The following CUL5 variants were observed in gnomAD, a reference collection of about 807,000 sequenced individuals.
CUL5 encodes the protein cullin-5.
A neutral mutation model predicts 108.8 loss-of-function variants in CUL5; 26 were observed. That is an observed-to-expected ratio of 0.24 (90% CI 0.18 to 0.33). CUL5 has a LOEUF of 0.33. CUL5 is among the 10% of genes least tolerant of loss of function. CUL5 has a pLI of 1.00. For missense variants in CUL5, 524 were observed against 909.2 expected (o/e 0.58, Z 5.45); for synonymous variants, 334 against 298.0 (o/e 1.12, Z -1.25).
At chr11:108,017,389 C>CAAAA (rs71840119) in intron 1 of CUL5, among the ~76,000 whole-genome samples, 39 of 102,796 alleles carry the variant, frequency 3.8e-4, no homozygotes, top group South Asian at 7.0e-4. Context: ...GACCCTGTCT[C>CAAAA]AAAAAAAAAA....
intron 3 of CUL5, among the ~76,000 whole-genome samples, chr11:108,048,706 G>T (rs967669565): frequency 7.8e-6 from 1 of 128,344 alleles, no homozygotes; most frequent in Non-Finnish European, 1.6e-5. Flanking sequence ...TCACTTTGTC[G>T]CCCAGGCTGC....
intron 2 of CUL5, among the ~76,000 whole-genome samples, chr11:108,044,208 A>T (rs564215517): frequency 2.0e-5 from 3 of 152,262 alleles, no homozygotes; most frequent in Non-Finnish European, 2.9e-5. Context: ...TTTGGGCTCT[A>T]CTAGTGTCTC....
At chr11:108,029,435 A>G (rs191872746) in intron 1 of CUL5, among the ~76,000 whole-genome samples, 18 of 152,348 alleles carry the variant, frequency 1.2e-4, no homozygotes, top group South Asian at 4.1e-4. Flanking sequence ...CTGAATAGTA[A>G]TGAAAGAATT....
intron 11 of CUL5, among the ~76,000 whole-genome samples, chr11:108,081,159 A>T (rs896733687): frequency 6.6e-6 from 1 of 151,346 alleles, no homozygotes; most frequent in Non-Finnish European, 1.5e-5. Context: ...GTGGTGGCTC[A>T]TGCCTGTGAT....
intron 10 of CUL5, among the ~76,000 whole-genome samples, chr11:108,076,213 T>C (rs1343538874): frequency 6.6e-6 from 1 of 151,822 alleles, no homozygotes; most frequent in Non-Finnish European, 1.5e-5. Context: ...GTAATTTTTT[T>C]TGTAGAGATG....
rs745781600 is a variant in CUL5 at position 108,094,939 on chromosome 11, T to C, written c.1695T>C (p.Asn565=). The C allele has an allele frequency of 6.2e-7, 1 of 1,613,060 alleles. No individual in the cohort carries two copies. Among genetic ancestry groups the C allele is most frequent in the South Asian group, 1.1e-5 (1 of 90,914 alleles). Residue 565 remains asparagine, a synonymous_variant, in exon 15 of 19, where the codon AAT becomes AAC. Coordinates refer to ENST00000393094, the MANE Select transcript of CUL5 (RefSeq NM_003478.6). The part of the protein sequence containing the change: ...IPEVEEFYKK[N]HSGRKLHWHH... Reference sequence around the variant, plus strand: ...AAGTAGAAGAATTCTACAAAAAAAATCATAGTGGTAGAAAATTACATTGGC... The same window carrying C: ...AAGTAGAAGAATTCTACAAAAAAAACCATAGTGGTAGAAAATTACATTGGC...
At chr11:108,009,499 C>G (rs1862004875) in intron 1 of CUL5, 127 bp downstream of exon 1, 1 of 1,000,022 alleles carries the variant, frequency 1.0e-6, no homozygotes, top group East Asian at 2.8e-5. Context: ...GCAGGGAAGC[C>G]GCGGTGGCAG....
chr11:108,070,179 T>C lies in CUL5; in HGVS notation c.864T>C (p.Asn288=). Residue 288 remains asparagine (N), a synonymous_variant, in exon 8 of 19, where the codon AAT becomes AAC. Transcript: ENST00000393094. ...AGTGCCAAGGCATGATCAAGAGAAATGAAACTGAAAGTAGGTAAAACATCA... is the reference window on the plus strand; with the variant it reads ...AGTGCCAAGGCATGATCAAGAGAAACGAAACTGAAAGTAGGTAAAACATCA... ...LAECQGMIKR[N]ETEKLHLMFS... 3.7e-6 allele frequency: 6 copies of C among 1,609,406 alleles called. No homozygotes were observed. The highest frequency in any genetic ancestry group is 1.3e-5 in the African/African-American group (1 of 74,942).
At chr11:108,080,099 G>A (rs114516217) in intron 11 of CUL5, among the ~76,000 whole-genome samples, 1,560 of 142,886 alleles carry the variant, frequency 0.011, 25 homozygotes, top group African/African-American at 0.038. Flanking sequence ...TTGATGTTGA[G>A]CAATTTTTCA....
intron 8 of CUL5, among the ~76,000 whole-genome samples, chr11:108,071,477 G>C (rs1237827952): frequency 6.6e-6 from 1 of 152,178 alleles, no homozygotes; most frequent in Non-Finnish European, 1.5e-5. Context: ...TGCCCAGGCT[G>C]ATCTCCACTG....
At chr11:108,026,185 G>T (rs889723729) in intron 1 of CUL5, among the ~76,000 whole-genome samples, 3 of 151,938 alleles carry the variant, frequency 2.0e-5, no homozygotes, top group Non-Finnish European at 4.4e-5. Context: ...CTTGGGAAAA[G>T]TGTACAACCC....
At chr11:108,009,456 C>T in intron 1 of CUL5, 84 bp downstream of exon 1, 1 of 1,470,220 alleles carries the variant, frequency 6.8e-7, no homozygotes, top group African/African-American at 1.4e-5. Flanking sequence ...GGTTCAGCTG[C>T]GAAGTGTGGG....
At chr11:108,039,887 A>G (rs1862849006) in intron 2 of CUL5, among the ~76,000 whole-genome samples, 1 of 152,010 alleles carries the variant, frequency 6.6e-6, no homozygotes, top group Non-Finnish European at 1.5e-5. Flanking sequence ...GTTTATTTCC[A>G]TTAGTGGTTG....
At chr11:108,068,347 C>A (rs1332985965) in intron 7 of CUL5, among the ~76,000 whole-genome samples, 1 of 151,550 alleles carries the variant, frequency 6.6e-6, no homozygotes, top group African/African-American at 2.4e-5. Context: ...TTGTGACAGT[C>A]TTGCTCTGTC....
chr11:108,095,144 G>A (rs1440455397), intron 15 of CUL5, among the ~76,000 whole-genome samples, 157 bp downstream of exon 15: 1 of 152,118 alleles, frequency 6.6e-6, no homozygotes, highest in Non-Finnish European at 1.5e-5. Context: ...TAGGGACATA[G>A]GCTTCTGGTT....
In CUL5 at chr11:108,105,220, A is replaced by T. The variant is rs1864764948; in HGVS notation, c.*836A>T. Reference sequence around the variant, plus strand: ...CAAAACAAACATATTAAGTGTGTTTACTAAACATATTGTGTGTTTACTAAC... The same window carrying T: ...CAAAACAAACATATTAAGTGTGTTTTCTAAACATATTGTGTGTTTACTAAC... On this transcript the variant is annotated 3_prime_UTR_variant, in exon 19 of 19. Coordinates refer to ENST00000393094, the MANE Select transcript of CUL5 (RefSeq NM_003478.6). The T allele has an allele frequency of 6.6e-6, 1 of 152,220 alleles. No individual in the cohort carries two copies. Among genetic ancestry groups the T allele is most frequent in the Non-Finnish European group, 1.5e-5 (1 of 68,006 alleles). 9.4% of individuals were successfully genotyped at this position (152,220 alleles called of 1,614,324 possible). A position where few individuals can be genotyped will look rare whatever the true frequency, so the allele number is the denominator to read the frequency against.
intron 3 of CUL5, among the ~76,000 whole-genome samples, chr11:108,048,373 T>G (rs1863118459): frequency 6.6e-6 from 1 of 152,198 alleles, no homozygotes; most frequent in African/African-American, 2.4e-5. Flanking sequence ...TCAGATGAAT[T>G]TGCCTAAGCT....
chr11:108,024,641 T>C (rs1460922219), intron 1 of CUL5, among the ~76,000 whole-genome samples: 1 of 152,168 alleles, frequency 6.6e-6, no homozygotes, highest in Non-Finnish European at 1.5e-5. Context: ...TGAACTAAAA[T>C]TTATTTACAG....
intron 1 of CUL5, among the ~76,000 whole-genome samples, chr11:108,015,374 G>A (rs1289535032): frequency 2.0e-5 from 3 of 152,226 alleles, no homozygotes; most frequent in African/African-American, 4.8e-5. Context: ...GATGTGATAC[G>A]AAGATTTGAA....
Sources: allele counts gnomAD v4.1 joint callset (sites outside exome capture counted in the v4.1 genomes callset), GRCh38; gene constraint gnomAD v4.1.1; transcripts MANE v1.5; gene names NCBI Gene and HGNC (gene_info 2026-07-23, HGNC 2026-07-21).